Variants in FCGR2A observed in about 807,000 individuals in gnomAD.
FCGR2A encodes the protein low affinity immunoglobulin gamma Fc region receptor II-a.
A neutral mutation model predicts 29.3 loss-of-function variants in FCGR2A; 18 were observed. The observed-to-expected ratio is 0.62, with a 90% CI of 0.43 to 0.91. FCGR2A has a LOEUF of 0.91. FCGR2A is among the 40% of genes least tolerant of loss of function. The pLI, the probability that FCGR2A is intolerant of heterozygous loss-of-function variation, is 0.00. For missense variants in FCGR2A, 287 were observed against 393.0 expected (o/e 0.73, Z 2.28); for synonymous variants, 126 against 144.8 (o/e 0.87, Z 0.93).
chr1:161,511,729 T>G (rs28384253), intron 5 of FCGR2A, among the ~76,000 whole-genome samples: 1 of 152,160 alleles, frequency 6.6e-6, no homozygotes, highest in African/African-American at 2.4e-5. Context: ...CAGGCCCCAC[T>G]GCCTAATCCT....
chr1:161,517,668 G>A (rs1367766079), intron 6 of FCGR2A, among the ~76,000 whole-genome samples: 2 of 152,150 alleles, frequency 1.3e-5, no homozygotes, highest in East Asian at 3.9e-4. Context: ...TCTGTTTGAT[G>A]ACTTGAAACT....
At chr1:161,520,045 C>T (rs1676389917), downstream of FCGR2A, 1 of 151,882 alleles carries the variant, frequency 6.6e-6, no homozygotes, top group Non-Finnish European at 1.5e-5. Context: ...TCACTGTGCA[C>T]AATTCTTGCA....
intron 3 of FCGR2A, among the ~76,000 whole-genome samples, chr1:161,509,133 T>C (rs1675603410): frequency 6.6e-6 from 1 of 152,244 alleles, no homozygotes; most frequent in South Asian, 2.1e-4. Context: ...TCTTCCGCCA[T>C]GTGAGGACAC....
At chr1:161,506,223 C>A in intron 2 of FCGR2A, 111 bp from the exon 3 acceptor site, 1 of 1,437,990 alleles carries the variant, frequency 7.0e-7, no homozygotes, top group Admixed American at 1.8e-5. Flanking sequence ...AGATCTTGAA[C>A]TACATCTACA....
intron 2 of FCGR2A, 70 bp downstream of exon 2, chr1:161,506,077 G>A (rs1557827494): frequency 1.3e-6 from 2 of 1,506,018 alleles, no homozygotes. Context: ...TGTTTGCTGG[G>A]GCGGCGGGGG....
chr1:161,513,882 T>G lies in FCGR2A; in HGVS notation c.743-13T>G. ...AGCAGTGCCCTGGCTAATCTTTTTC[T>G]TTTTCCCCACAGCCAATTCCACTGA... On this transcript the variant is annotated splice_polypyrimidine_tract_variant and intron_variant, in intron 5 of 6. Transcript: ENST00000271450. 1.2e-6 allele frequency: 2 copies of G among 1,614,228 alleles called. No homozygotes were observed. The highest frequency in any genetic ancestry group is 1.3e-5 in the African/African-American group (1 of 75,040).
intron 3 of FCGR2A, among the ~76,000 whole-genome samples, chr1:161,508,278 C>T (rs924375191): frequency 1.3e-5 from 2 of 150,798 alleles, no homozygotes; most frequent in Admixed American, 1.3e-4. Context: ...GGTACCTGGC[C>T]TTTCATATAC....
At position 161,513,919 on chromosome 1, in the gene FCGR2A, C is replaced by A; in HGVS notation, c.767C>A (p.Ala256Asp). ...GCCAATTCCACTGATCCTGTGAAGG[C>A]TGCCCAATTTGAGGTGAGTAATCCC... ...ISANSTDPVK[A>D]AQFEPPGRQM... is the part of the protein sequence containing the mutation. The change falls in exon 6 of 7, where the codon GCT becomes GAT. Residue 256 changes from alanine to aspartate, a missense_variant. Ala to Asp is a moderately radical substitution (Grantham distance 126). Coordinates refer to ENST00000271450, the MANE Select transcript of FCGR2A (RefSeq NM_001136219.3). 6.2e-7 allele frequency: 1 copy of A among 1,614,250 alleles called. No homozygotes were observed. Among genetic ancestry groups the A allele is most frequent in the Non-Finnish European group, 8.5e-7 (1 of 1,180,048 alleles).
At chr1:161,510,800 C>A (rs1316456555) in intron 4 of FCGR2A, 34 bp from the exon 5 acceptor site, 7 of 1,612,286 alleles carry the variant, frequency 4.3e-6, no homozygotes, top group East Asian at 2.2e-5. Context: ...AAAATAGTAA[C>A]CCCCCATCCT....
At chr1:161,510,203 T>C (rs947911066) in intron 4 of FCGR2A, 129 bp downstream of exon 4, 51 of 1,503,886 alleles carry the variant, frequency 3.4e-5, no homozygotes, top group Non-Finnish European at 4.3e-5. Flanking sequence ...CAAAGAGGAG[T>C]GGGGTGGAAG....
downstream of FCGR2A, among the ~76,000 whole-genome samples, chr1:161,522,508 C>G (rs10919170): frequency 6.6e-6 from 1 of 151,938 alleles, no homozygotes; most frequent in African/African-American, 2.4e-5. Flanking sequence ...CACAAGACAG[C>G]CCCTTAACAC....
chr1:161,523,988 G>A (rs933916995), downstream of FCGR2A: 6 of 155,306 alleles, frequency 3.9e-5, no homozygotes, highest in Admixed American at 6.3e-5. Flanking sequence ...TAAGGAACCA[G>A]GCACCGTCTT....
In FCGR2A at chr1:161,519,291, G is replaced by C. The variant is rs6690760; in HGVS notation, c.*1143G>C. ...TGACTGCACCTTCTGTGCCTCAGCC[G>C]TTCTTGACATCAAGAATCTTCTGTT... On this transcript the variant is annotated 3_prime_UTR_variant, in exon 7 of 7. Coordinates refer to ENST00000271450, the MANE Select transcript of FCGR2A (RefSeq NM_001136219.3). 6.6e-6 allele frequency: 1 copy of C among 152,648 alleles called. No individual in the cohort carries two copies. The allele number at this position is 152,648 out of a possible 1,614,324, so 9.5% of individuals were successfully genotyped here.
At chr1:161,512,955 G>T (rs138523479) in intron 5 of FCGR2A, among the ~76,000 whole-genome samples, 4 of 152,336 alleles carry the variant, frequency 2.6e-5, no homozygotes, top group South Asian at 2.1e-4. Context: ...AGGCACTTTT[G>T]CAGCCAGGCA....
At chr1:161,511,302 G>T (rs1379314233) in intron 5 of FCGR2A, among the ~76,000 whole-genome samples, 1 of 152,180 alleles carries the variant, frequency 6.6e-6, no homozygotes, top group Non-Finnish European at 1.5e-5. Context: ...GGCAGGGACT[G>T]AGGCTGGGTG....
chr1:161,510,330 A>C (rs1466635157), intron 4 of FCGR2A: 1 of 698,558 alleles, frequency 1.4e-6, no homozygotes, highest in Admixed American at 2.4e-5. Context: ...TAAAGATGGC[A>C]GTGAAGCAGA....
chr1:161,515,953 T>C (rs1676120816), intron 6 of FCGR2A, among the ~76,000 whole-genome samples: 1 of 152,106 alleles, frequency 6.6e-6, no homozygotes, highest in Non-Finnish European at 1.5e-5. Flanking sequence ...TAGAGAAAAA[T>C]AAGCACTTAT....
At chr1:161,522,590 T>C (rs187426596), downstream of FCGR2A, among the ~76,000 whole-genome samples, 82 of 152,228 alleles carry the variant, frequency 5.4e-4, 1 homozygote, top group Non-Finnish European at 9.4e-4. Context: ...TGCAGGCCGT[T>C]GGCAAATGTC....
intron 3 of FCGR2A, 87 bp downstream of exon 3, chr1:161,506,678 G>A (rs1306393730): frequency 1.3e-6 from 2 of 1,579,248 alleles, no homozygotes; most frequent in Non-Finnish European, 1.7e-6. Flanking sequence ...GGAAAGAGTG[G>A]GCGTGGACTG....
Sources: gnomAD v4.1 joint callset for allele counts (sites outside exome capture counted in the v4.1 genomes callset) on GRCh38, gnomAD v4.1.1 for gene constraint, MANE v1.5 for transcripts, NCBI Gene and HGNC (gene_info 2026-07-23, HGNC 2026-07-21) for gene names.